The following ZFP82 variants were observed in gnomAD, a reference collection of about 807,000 sequenced individuals.
ZFP82 encodes ZFP82 zinc finger protein.
A neutral mutation model predicts 54.0 loss-of-function variants in ZFP82; 30 were observed. The ratio of observed to expected loss-of-function variants is 0.56; its 90% CI spans 0.42 to 0.75. ZFP82 has a LOEUF of 0.75. ZFP82 is among the 30% of genes least tolerant of loss of function. ZFP82 has a pLI of 0.00. For synonymous variants in ZFP82, 194 were observed against 209.5 expected (o/e 0.93, Z 0.64); for missense variants, 500 against 636.8 (o/e 0.79, Z 2.31).
chr19:36,389,043 C>CT lies in ZFP82; in HGVS notation c.*3697dup, dbSNP rs34929021. Among the ~76,000 whole-genome samples, 168 of 134,602 alleles carry CT rather than the reference C, an allele frequency of 1.2e-3. No individual in the cohort carries two copies. Among genetic ancestry groups the CT allele is most frequent in the African/African-American group, 3.3e-3 (117 of 35,686 alleles). The allele number at this position is 134,602 out of a possible 152,430, so 88.3% of individuals were successfully genotyped here. ...TACAATTTCAGACTTGATTTTCTTT[C>CT]TTTTTTTTTTTTTTTGAGATGGAGT... On this transcript the variant is annotated 3_prime_UTR_variant, in exon 5 of 5. Transcript: ENST00000392161.
chr19:36,399,863 C>G (rs2032354271), intron 4 of ZFP82, among the ~76,000 whole-genome samples: 3 of 152,140 alleles, frequency 2.0e-5, no homozygotes, highest in Non-Finnish European at 4.4e-5. Context: ...ACTCATACTG[C>G]AAGTTTGGTT....
intron 2 of ZFP82, 61 bp from the exon 3 acceptor site, chr19:36,408,074 G>A: frequency 6.4e-6 from 10 of 1,571,564 alleles, no homozygotes; most frequent in Non-Finnish European, 8.7e-6. Flanking sequence ...AAGGTAGAAG[G>A]AGAAAAGAAG....
intron 1 of ZFP82, among the ~76,000 whole-genome samples, chr19:36,413,750 T>C (rs1169503128): frequency 2.0e-5 from 3 of 152,144 alleles, no homozygotes; most frequent in Non-Finnish European, 4.4e-5. Context: ...AGATATAAAC[T>C]AAGGAATAAA....
At chr19:36,403,389 A>G (rs867985532) in intron 4 of ZFP82, among the ~76,000 whole-genome samples, 4 of 143,722 alleles carry the variant, frequency 2.8e-5, no homozygotes, top group South Asian at 2.2e-4. Flanking sequence ...CTTGGGATCC[A>G]GCGGGTGGAT....
chr19:36,389,690 T>C lies in ZFP82; in HGVS notation c.*3051A>G, dbSNP rs1437823080. On this transcript the variant is annotated 3_prime_UTR_variant, in exon 5 of 5. Transcript: ENST00000392161. ...TACATTTGTACAATATGTAGAGACA[T>C]TTTATTCCTTCAAATCTTGTATTGA... Among the ~76,000 whole-genome samples, 2 of 152,192 alleles carry C rather than the reference T, an allele frequency of 1.3e-5. No individual in the cohort carries two copies. Among genetic ancestry groups the C allele is most frequent in the East Asian group, 3.9e-4 (2 of 5,192 alleles).
At chr19:36,400,712 G>A (rs886713871) in intron 4 of ZFP82, among the ~76,000 whole-genome samples, 10 of 152,020 alleles carry the variant, frequency 6.6e-5, no homozygotes, top group Non-Finnish European at 8.8e-5. Context: ...TTCCTCCACC[G>A]ATAGAATCAT....
At chr19:36,384,708 A>G (rs1388768679), downstream of ZFP82, among the ~76,000 whole-genome samples, 1 of 152,232 alleles carries the variant, frequency 6.6e-6, no homozygotes, top group Non-Finnish European at 1.5e-5. Context: ...GACCTCTGTT[A>G]ATGTGAAAAT....
At chr19:36,406,603 G>A (rs2032486095) in intron 3 of ZFP82, among the ~76,000 whole-genome samples, 1 of 152,080 alleles carries the variant, frequency 6.6e-6, no homozygotes, top group South Asian at 2.1e-4. Context: ...ATATTCTATT[G>A]TATGACTATG....
At chr19:36,417,935 A>G (rs1320678183) in intron 1 of ZFP82, among the ~76,000 whole-genome samples, 1 of 151,916 alleles carries the variant, frequency 6.6e-6, no homozygotes, top group Non-Finnish European at 1.5e-5. Context: ...GTCGGGTCTG[A>G]GCCTTGTTTC....
At chr19:36,405,186 G>GAAAAAAAAAAAAAAAAAAAAAAAAAAA (rs35735133) in intron 4 of ZFP82, among the ~76,000 whole-genome samples, 1 of 88,512 alleles carries the variant, frequency 1.1e-5, no homozygotes, top group African/African-American at 4.4e-5. Context: ...CTGCATCTCA[G>GAAAAAAAAAAAAAAAAAAAAAAAAAAA]AAAAAAAAAA....
At chr19:36,413,245 T>C (rs1184504087) in intron 1 of ZFP82, among the ~76,000 whole-genome samples, 3 of 152,104 alleles carry the variant, frequency 2.0e-5, no homozygotes, top group African/African-American at 7.2e-5. Flanking sequence ...ACTCCATCTC[T>C]ACCAATAATA....
At chr19:36,385,902 G>C (rs2032109586), downstream of ZFP82, among the ~76,000 whole-genome samples, 1 of 152,238 alleles carries the variant, frequency 6.6e-6, no homozygotes, top group Admixed American at 6.5e-5. Context: ...TAAGATGTGA[G>C]AGGTAGAAAT....
intron 4 of ZFP82, among the ~76,000 whole-genome samples, chr19:36,402,902 G>A (rs998880357): frequency 6.6e-6 from 1 of 151,830 alleles, no homozygotes; most frequent in African/African-American, 2.4e-5. Flanking sequence ...ACTTTGGGAG[G>A]CTGAGGCGGG....
chr19:36,417,274 C>G (rs2032689725), intron 1 of ZFP82, among the ~76,000 whole-genome samples: 1 of 151,876 alleles, frequency 6.6e-6, no homozygotes, highest in Non-Finnish European at 1.5e-5. Context: ...TAAGTACTAA[C>G]GAGGTCTCAG....
chr19:36,408,553 C>T (rs2032523631), intron 2 of ZFP82, among the ~76,000 whole-genome samples: 1 of 152,190 alleles, frequency 6.6e-6, no homozygotes, highest in Non-Finnish European at 1.5e-5. Context: ...GGCGCAGTGG[C>T]TCACACCTGT....
At position 36,393,651 on chromosome 19, in the gene ZFP82, T is replaced by G; in HGVS notation, c.689A>C (p.Glu230Ala). 6.2e-7 allele frequency: 1 copy of G among 1,614,146 alleles called. No homozygotes were observed. Among genetic ancestry groups the G allele is most frequent in the South Asian group, 1.1e-5 (1 of 91,082 alleles). ...ACCACATATGAAAGCTTCCCCACAT[T>G]CCTTACATTCATAGAGTTTTTCACC... ...HSGEKLYECK[E>A]CGEAFICGAD... The change falls in exon 5 of 5, where the codon GAA (glutamate) becomes GCA (alanine). Residue 230 changes from glutamate (E) to alanine (A), a missense_variant. Glu to Ala is a moderately radical substitution (Grantham distance 107). Coordinates refer to ENST00000392161, the MANE Select transcript of ZFP82 (RefSeq NM_133466.4).
At chr19:36,386,871 G>T (rs980338562), downstream of ZFP82, among the ~76,000 whole-genome samples, 2 of 152,064 alleles carry the variant, frequency 1.3e-5, no homozygotes, top group Admixed American at 6.6e-5. Context: ...GGAGACAGAG[G>T]TTGCAGTGGG....
At chr19:36,407,162 C>T (rs1228981607) in intron 3 of ZFP82, among the ~76,000 whole-genome samples, 4 of 148,514 alleles carry the variant, frequency 2.7e-5, no homozygotes, top group Non-Finnish European at 4.5e-5. Context: ...CTGCAAGCTC[C>T]GCCTCCCGGG....
chr19:36,415,068 A>G (rs568912453), intron 1 of ZFP82, among the ~76,000 whole-genome samples: 13 of 152,108 alleles, frequency 8.5e-5, no homozygotes, highest in East Asian at 3.9e-4. Flanking sequence ...TGATCCGCCC[A>G]CCTTGGCCTC....
Sources: allele counts gnomAD v4.1 joint callset (sites outside exome capture counted in the v4.1 genomes callset), GRCh38; gene constraint gnomAD v4.1.1; transcripts MANE v1.5; gene names NCBI Gene and HGNC (gene_info 2026-07-23, HGNC 2026-07-21).